Variants in PCDH15 observed in about 807,000 individuals in gnomAD.
PCDH15 encodes protocadherin related 15.
In PCDH15, 129 loss-of-function variants were observed where a neutral mutation model predicts 178.5. That is an observed-to-expected ratio of 0.72 (90% confidence interval 0.63 to 0.84). The LOEUF (loss-of-function observed/expected upper bound fraction) is 0.84, where lower values mean the gene tolerates loss of function less well. Among genes scored for constraint, PCDH15 ranks in the 40% least tolerant of loss-of-function variants. The probability of loss-of-function intolerance (pLI) is 0.00; values close to 1 mark genes in which losing one functional copy is unlikely to be tolerated. For synonymous variants in PCDH15, 800 were observed against 732.0 expected, an observed-to-expected ratio of 1.09 and a Z score of -1.50; for missense variants, 2,230 against 2,099.9, an observed-to-expected ratio of 1.06 and a Z score of -1.21.
At position 54,037,321 on chromosome 10, in the gene PCDH15, G is replaced by T. The variant is rs188467443; in HGVS notation, c.2221-14124C>A. ...AGCTACAGAAAAAAATTTAATGAAA[G>T]CAAGAAGTATTCAATGCAGCACAAT... On this transcript the variant is annotated intron_variant, in intron 18 of 37. Transcript: ENST00000644397. 7.2e-5 allele frequency among the ~76,000 whole-genome samples: 11 copies of T among 151,944 alleles called. No homozygotes were observed. In the East Asian group the frequency reaches 1.9e-3, roughly 27 times the overall value.
At chr10:53,878,181 G>GCACA (rs71004486) in intron 26 of PCDH15, among the ~76,000 whole-genome samples, 29,538 of 124,526 alleles carry the variant, frequency 0.24, 5,058 homozygotes, top group East Asian at 0.77. Context: ...CTATACTATG[G>GCACA]CACACACACA....
chr10:54,188,137 T>C (rs539851558), intron 11 of PCDH15, among the ~76,000 whole-genome samples: 70 of 152,008 alleles, frequency 4.6e-4, no homozygotes, highest in African/African-American at 1.5e-3. Flanking sequence ...TAAGAAACAA[T>C]GTGCATTTGA....
chr10:55,499,125 A>G (rs931924131), intron 2 of PCDH15, among the ~76,000 whole-genome samples: 2 of 151,852 alleles, frequency 1.3e-5, no homozygotes, highest in Non-Finnish European at 2.9e-5. Flanking sequence ...ATATGCATCC[A>G]TAGCAATCTT....
At chr10:55,121,289 T>G (rs1377018089) in intron 2 of PCDH15, among the ~76,000 whole-genome samples, 5 of 151,636 alleles carry the variant, frequency 3.3e-5, no homozygotes, top group African/African-American at 1.2e-4. Context: ...TTCTCTCCTT[T>G]GAAATGGGAA....
At chr10:54,167,239 AC>A (rs1268777968) in intron 13 of PCDH15, among the ~76,000 whole-genome samples, 1 of 152,164 alleles carries the variant, frequency 6.6e-6, no homozygotes, top group African/African-American at 2.4e-5. Flanking sequence ...CCTCAGACCG[AC>A]CAGCCCAAGG....
At chr10:55,547,755 C>A (rs1436875116) in intron 2 of PCDH15, among the ~76,000 whole-genome samples, 1 of 151,894 alleles carries the variant, frequency 6.6e-6, no homozygotes, top group East Asian at 1.9e-4. Flanking sequence ...CTATAAAAAT[C>A]ATTACAAGTT....
At chr10:55,622,130 T>TTATATATATTATATATATCTATAAA (rs1265936056) in intron 2 of PCDH15, among the ~76,000 whole-genome samples, 8 of 60,874 alleles carry the variant, frequency 1.3e-4, no homozygotes, top group Non-Finnish European at 2.1e-4. Context: ...AATATATATA[T>TTATATATATTATATATATCTATAAA]TATATATATT....
At chr10:54,163,406 G>GGAGAGAGAGAGAGAGA (rs57981979) in intron 13 of PCDH15, among the ~76,000 whole-genome samples, 30 of 151,028 alleles carry the variant, frequency 2.0e-4, no homozygotes, top group African/African-American at 6.8e-4. Flanking sequence ...CATGGCAGCA[G>GGAGAGAGAGAGAGAGA]GAGAGAGAGA....
intron 3 of PCDH15, among the ~76,000 whole-genome samples, chr10:54,478,279 G>T (rs917694013): frequency 1.3e-5 from 2 of 151,978 alleles, no homozygotes; most frequent in Admixed American, 1.3e-4. Flanking sequence ...TTTAAAAAAT[G>T]AAATAAGACA....
intron 11 of PCDH15, among the ~76,000 whole-genome samples, chr10:54,194,842 G>C (rs1024208103): frequency 2.0e-5 from 3 of 151,934 alleles, no homozygotes; most frequent in African/African-American, 7.3e-5. Context: ...AATACCTCTG[G>C]GGAACTTAAA....
intron 1 of PCDH15, among the ~76,000 whole-genome samples, chr10:54,790,655 C>T (rs905075879): frequency 1.3e-5 from 2 of 151,790 alleles, no homozygotes; most frequent in Non-Finnish European, 2.9e-5. Flanking sequence ...AAAATCCACC[C>T]ACACAGAGAT....
At chr10:54,960,386 T>C (rs1020951786) in intron 2 of PCDH15, among the ~76,000 whole-genome samples, 4 of 152,208 alleles carry the variant, frequency 2.6e-5, no homozygotes, top group Admixed American at 2.6e-4. Flanking sequence ...ATTTGCTTAG[T>C]CTTCCCTCAG....
chr10:54,171,171 T>C (rs1423096312), intron 13 of PCDH15, among the ~76,000 whole-genome samples: 2 of 152,064 alleles, frequency 1.3e-5, no homozygotes, highest in African/African-American at 2.4e-5. Flanking sequence ...CGGACGAGCC[T>C]TTATTAGTCA....
intron 2 of PCDH15, among the ~76,000 whole-genome samples, chr10:55,357,369 CT>C (rs1303464273): frequency 6.6e-6 from 1 of 151,736 alleles, no homozygotes; most frequent in Non-Finnish European, 1.5e-5. Context: ...TTTCCCTGCA[CT>C]TTTTTAGTGT....
intron 2 of PCDH15, among the ~76,000 whole-genome samples, chr10:55,004,848 C>A (rs555169168): frequency 2.0e-5 from 3 of 152,128 alleles, no homozygotes; most frequent in East Asian, 1.9e-4. Flanking sequence ...TCTCTGTATG[C>A]TAAGGACAAT....
At chr10:55,379,022 G>A (rs1336768443) in intron 2 of PCDH15, among the ~76,000 whole-genome samples, 2 of 151,744 alleles carry the variant, frequency 1.3e-5, no homozygotes, top group African/African-American at 4.8e-5. Flanking sequence ...CAACCCAGTG[G>A]TTTTGACATT....
chr10:54,905,411 A>G (rs537916035), intron 2 of PCDH15, among the ~76,000 whole-genome samples: 16 of 152,282 alleles, frequency 1.1e-4, no homozygotes, highest in Non-Finnish European at 2.2e-4. Flanking sequence ...AAATTATGAG[A>G]TAAATTCAGC....
chr10:55,458,209 A>T (rs10763204), intron 2 of PCDH15, among the ~76,000 whole-genome samples: 58,461 of 151,742 alleles, frequency 0.39, 12,026 homozygotes, highest in East Asian at 0.81. Flanking sequence ...TTGATTACAA[A>T]CTCTAAATAT....
At chr10:55,502,698 T>C (rs1840681995) in intron 2 of PCDH15, among the ~76,000 whole-genome samples, 1 of 151,642 alleles carries the variant, frequency 6.6e-6, no homozygotes, top group South Asian at 2.1e-4. Context: ...GGGCTGATTG[T>C]TAGATTGGTC....
Sources: allele counts gnomAD v4.1 joint callset (sites outside exome capture counted in the v4.1 genomes callset), GRCh38; gene constraint gnomAD v4.1.1; transcripts MANE v1.5; gene names NCBI Gene and HGNC (gene_info 2026-07-23, HGNC 2026-07-21).